Variants in ITPR2 observed in about 807,000 individuals in gnomAD.
ITPR2 encodes inositol 1,4,5-trisphosphate receptor type 2, also known as inositol 1,4,5-trisphosphate-gated calcium channel ITPR2.
A neutral mutation model predicts 317.1 loss-of-function variants in ITPR2; 207 were observed. The ratio of observed to expected loss-of-function variants is 0.65; its 90% CI spans 0.58 to 0.73. The LOEUF (loss-of-function observed/expected upper bound fraction) is 0.73. Among genes scored for constraint, ITPR2 ranks in the 30% least tolerant of loss-of-function variants. The probability of loss-of-function intolerance (pLI) is 0.00; values close to 1 mark genes in which losing one functional copy is unlikely to be tolerated. For missense variants in ITPR2, 2,613 were observed against 3,284.0 expected, an observed-to-expected ratio of 0.80 and a Z score of 4.99; for synonymous variants, 1,156 against 1,149.1, an observed-to-expected ratio of 1.01 and a Z score of -0.12.
At chr12:26,469,709 G>A (rs537371479) in intron 45 of ITPR2, among the ~76,000 whole-genome samples, 45 of 151,962 alleles carry the variant, frequency 3.0e-4, no homozygotes, top group African/African-American at 9.4e-4. Flanking sequence ...CTGGCACAGC[G>A]CTTGGCATCT....
intron 2 of ITPR2, among the ~76,000 whole-genome samples, chr12:26,784,940 C>T (rs554212285): frequency 7.2e-4 from 6 of 8,324 alleles, no homozygotes; most frequent in African/African-American, 1.8e-3. Context: ...AAGTGAGGAG[C>T]GTCTCTGCCC....
chr12:26,443,404 T>G, intron 46 of ITPR2, 139 bp downstream of exon 46: 1 of 570,416 alleles, frequency 1.8e-6, no homozygotes, highest in South Asian at 2.9e-5. Context: ...TCCTCACTCA[T>G]CCTTTTACTA....
intron 9 of ITPR2, among the ~76,000 whole-genome samples, chr12:26,705,155 C>T (rs1055585824): frequency 3.9e-5 from 6 of 152,122 alleles, no homozygotes; most frequent in Non-Finnish European, 8.8e-5. Flanking sequence ...CCCTGGCCTG[C>T]AACTCTGCTT....
At chr12:26,404,316 A>G (rs185488593) in intron 52 of ITPR2, among the ~76,000 whole-genome samples, 1 of 152,312 alleles carries the variant, frequency 6.6e-6, no homozygotes, top group East Asian at 1.9e-4. Context: ...AGAAGGAAGA[A>G]CTGGTTGTAG....
At chr12:26,694,067 C>T (rs1948289150) in intron 10 of ITPR2, among the ~76,000 whole-genome samples, 1 of 152,164 alleles carries the variant, frequency 6.6e-6, no homozygotes, top group African/African-American at 2.4e-5. Flanking sequence ...CAGAATATTA[C>T]AAAAATAAAC....
rs186317343 is a variant in ITPR2 at position 26,733,525 on chromosome 12, A to G, written c.164-7760T>C. On this transcript the variant is annotated intron_variant, in intron 2 of 56. Transcript: ENST00000381340. ...AGTGGTTTTCAATGGGAAATATACT[A>G]TGTGTATATATAATTAAATGCTAAA... is the stretch of plus-strand genomic sequence containing the variant. 3.9e-5 allele frequency among the ~76,000 whole-genome samples: 6 copies of G among 152,254 alleles called. No homozygotes were observed. The East Asian group carries it at 1.2e-3, about 29-fold the overall frequency.
At chr12:26,568,516 A>T (rs1367232572) in intron 34 of ITPR2, among the ~76,000 whole-genome samples, 1 of 152,070 alleles carries the variant, frequency 6.6e-6, no homozygotes, top group South Asian at 2.1e-4. Context: ...ATCAAAATCT[A>T]TTTCTAATTA....
intron 26 of ITPR2, among the ~76,000 whole-genome samples, chr12:26,610,842 C>T (rs1027395484): frequency 2.6e-5 from 4 of 152,184 alleles, no homozygotes; most frequent in African/African-American, 9.7e-5. Context: ...CACAGCATCG[C>T]TCAGCATGGA....
intron 45 of ITPR2, among the ~76,000 whole-genome samples, chr12:26,452,687 G>A (rs904391891): frequency 6.6e-6 from 1 of 152,206 alleles, no homozygotes; most frequent in Non-Finnish European, 1.5e-5. Context: ...GGTATCTTGA[G>A]AGCAGGTTGT....
intron 55 of ITPR2, among the ~76,000 whole-genome samples, chr12:26,354,049 G>A (rs529013249): frequency 1.6e-4 from 24 of 152,260 alleles, no homozygotes; most frequent in Admixed American, 5.9e-4. Flanking sequence ...CGAGGCAGGT[G>A]GATCACCTGA....
intron 32 of ITPR2, among the ~76,000 whole-genome samples, chr12:26,580,993 G>A (rs1450168081): frequency 6.6e-6 from 1 of 152,066 alleles, no homozygotes; most frequent in African/African-American, 2.4e-5. Flanking sequence ...TGGGAGTGGT[G>A]GGCAGAGAAT....
chr12:26,565,338 G>C (rs1029162219), intron 34 of ITPR2, among the ~76,000 whole-genome samples: 2 of 152,084 alleles, frequency 1.3e-5, no homozygotes, highest in Non-Finnish European at 2.9e-5. Context: ...TAATATCATA[G>C]TGCTACATTT....
chr12:26,617,726 GGGAGGGAGGGAGGGAAGGAAGGACAGAA>G (rs1395926424), intron 26 of ITPR2, among the ~76,000 whole-genome samples: 3 of 122,456 alleles, frequency 2.4e-5, no homozygotes, highest in African/African-American at 3.0e-5. Context: ...GAAGGAGGAA[GGGAGGGAGGGAGGGAAGGAAGGACAGAA>G]GGAGGGAGGG....
intron 2 of ITPR2, among the ~76,000 whole-genome samples, chr12:26,728,533 T>C (rs1172037882): frequency 6.6e-6 from 1 of 152,164 alleles, no homozygotes; most frequent in Non-Finnish European, 1.5e-5. Context: ...TTCTGGATAA[T>C]AGGAGAGAAG....
At chr12:26,802,608 G>T (rs61920599) in intron 1 of ITPR2, among the ~76,000 whole-genome samples, 8 of 10,044 alleles carry the variant, frequency 8.0e-4, no homozygotes, top group Non-Finnish European at 1.2e-3. Context: ...TATAGATATA[G>T]ATATATATAG....
chr12:26,437,818 T>C (rs1421000075), intron 47 of ITPR2, among the ~76,000 whole-genome samples: 2 of 152,222 alleles, frequency 1.3e-5, no homozygotes, highest in African/African-American at 4.8e-5. Context: ...GTTTGTTTTA[T>C]TGAGATGGTG....
chr12:26,415,570 TTACAAA>T (rs1346316553), intron 50 of ITPR2, 72 bp from the exon 51 acceptor site: 13 of 1,093,246 alleles, frequency 1.2e-5, no homozygotes, highest in Non-Finnish European at 1.7e-5. Flanking sequence ...AAAAATATAA[TTACAAA>T]TACAAATGCA....
intron 39 of ITPR2, among the ~76,000 whole-genome samples, chr12:26,488,681 C>T (rs147805130): frequency 8.1e-6 from 1 of 123,688 alleles, no homozygotes; most frequent in African/African-American, 2.5e-5. Flanking sequence ...CATCCACAGA[C>T]CTCTACAATC....
chr12:26,382,213 C>A (rs962489861), intron 55 of ITPR2, among the ~76,000 whole-genome samples: 2 of 152,286 alleles, frequency 1.3e-5, no homozygotes, highest in African/African-American at 2.4e-5. Flanking sequence ...CTGTTCCCAG[C>A]AAACACTAGC....
Sources: allele counts gnomAD v4.1 joint callset (sites outside exome capture counted in the v4.1 genomes callset), GRCh38; gene constraint gnomAD v4.1.1; transcripts MANE v1.5; gene names NCBI Gene and HGNC (gene_info 2026-07-23, HGNC 2026-07-21).